The following LMNTD1 variants were observed in gnomAD, a reference collection of about 807,000 sequenced individuals.
The protein encoded by LMNTD1 is lamin tail domain containing 1.
A neutral mutation model predicts 50.9 loss-of-function variants in LMNTD1; 35 were observed. The observed-to-expected ratio is 0.69, with a 90% CI of 0.53 to 0.91. The LOEUF is 0.91. Ranked by LOEUF, LMNTD1 falls within the 40% of genes least tolerant of loss-of-function variation. LMNTD1 has a pLI of 0.00. For synonymous variants in LMNTD1, 153 were observed against 161.9 expected (o/e 0.94, Z 0.42); for missense variants, 470 against 475.5 (o/e 0.99, Z 0.11).
intron 1 of LMNTD1, among the ~76,000 whole-genome samples, chr12:25,607,070 T>C (rs1946125622): frequency 6.6e-6 from 1 of 152,210 alleles, no homozygotes; most frequent in Non-Finnish European, 1.5e-5. Flanking sequence ...GGAGGGTGTA[T>C]GTTTCCAGGA....
chr12:25,605,811 A>G (rs1169380287), intron 1 of LMNTD1, among the ~76,000 whole-genome samples: 2 of 151,250 alleles, frequency 1.3e-5, no homozygotes, highest in Non-Finnish European at 3.0e-5. Flanking sequence ...GCTTAGGCAA[A>G]TGTGGGCTCT....
chr12:25,623,948 G>A (rs564495035), intron 1 of LMNTD1, among the ~76,000 whole-genome samples: 43 of 152,284 alleles, frequency 2.8e-4, no homozygotes, highest in Middle Eastern at 6.8e-3. Context: ...GCAGAATTCA[G>A]CTTCCCTGGT....
At position 25,641,875 on chromosome 12, in the gene LMNTD1, T is replaced by C. The variant is rs963059459; in HGVS notation, c.58+6619A>G. ...TTTTTTCACTCTTGAATAATAAATA[T>C]ATCATTATTATTTGTACTATTACTT... On this transcript the variant is annotated intron_variant, in intron 1 of 7. Transcript: ENST00000445693. Among the ~76,000 whole-genome samples, 4 of 152,216 alleles carry C rather than the reference T, an allele frequency of 2.6e-5. No homozygotes were observed. The South Asian group carries it at 6.2e-4, about 24-fold the overall frequency.
At chr12:25,568,988 AG>A (rs1944671055) in intron 1 of LMNTD1, among the ~76,000 whole-genome samples, 1 of 152,232 alleles carries the variant, frequency 6.6e-6, no homozygotes, top group African/African-American at 2.4e-5. Flanking sequence ...CCTGACACAG[AG>A]TTCCAACTGA....
intron 1 of LMNTD1, among the ~76,000 whole-genome samples, chr12:25,594,991 A>T (rs908307743): frequency 6.6e-6 from 1 of 152,204 alleles, no homozygotes; most frequent in African/African-American, 2.4e-5. Flanking sequence ...AAATAGGGAC[A>T]TTATATAATG....
chr12:25,536,989 C>T (rs1942640207), intron 4 of LMNTD1, among the ~76,000 whole-genome samples: 1 of 152,248 alleles, frequency 6.6e-6, no homozygotes, highest in South Asian at 2.1e-4. Flanking sequence ...AAAATCGGGT[C>T]ACTCCCACCC....
chr12:25,508,517 AT>A (rs1248830018), intron 8 of LMNTD1, among the ~76,000 whole-genome samples: 1 of 152,198 alleles, frequency 6.6e-6, no homozygotes, highest in African/African-American at 2.4e-5. Context: ...TTATTTATCC[AT>A]TAAATAATTG....
In LMNTD1 at chr12:25,527,711, C is replaced by CATAT. The variant is rs1385527466; in HGVS notation, c.492-757_492-756insATAT. 7.7e-3 allele frequency among the ~76,000 whole-genome samples: 970 copies of CATAT among 125,306 alleles called. 37 individuals are homozygous for CATAT. Among genetic ancestry groups the CATAT allele is most frequent in the African/African-American group, 0.026 (874 of 33,832 alleles). 82.2% of individuals were successfully genotyped at this position (125,306 alleles called of 152,430 possible). A position where few individuals can be genotyped will look rare whatever the true frequency, so the allele number is the denominator to read the frequency against. ...ACACACACACACACACACACACACACACACACACATATACACACATATATA... is the reference window on the plus strand; with the variant it reads ...ACACACACACACACACACACACACACATATACACACACATATACACACATATATA... On this transcript the variant is annotated intron_variant, in intron 4 of 9. Coordinates refer to ENST00000458174, the MANE Select transcript of LMNTD1 (RefSeq NM_001145728.2).
intron 4 of LMNTD1, among the ~76,000 whole-genome samples, chr12:25,535,147 T>C (rs1244125913): frequency 6.6e-6 from 1 of 152,180 alleles, no homozygotes; most frequent in Non-Finnish European, 1.5e-5. Context: ...GTTCAAAATG[T>C]AGAGACATGA....
chr12:25,573,199 C>A (rs1489499113), intron 1 of LMNTD1, among the ~76,000 whole-genome samples: 1 of 152,086 alleles, frequency 6.6e-6, no homozygotes, highest in Non-Finnish European at 1.5e-5. Flanking sequence ...AACTTCACTC[C>A]TTTTCTTATC....
intron 1 of LMNTD1, among the ~76,000 whole-genome samples, chr12:25,561,922 G>C (rs1426985750): frequency 6.6e-6 from 1 of 152,024 alleles, no homozygotes; most frequent in Non-Finnish European, 1.5e-5. Context: ...ATCTTCGTTG[G>C]TTTAAAGTCT....
intron 9 of LMNTD1, among the ~76,000 whole-genome samples, chr12:25,500,937 G>A (rs1408518431): frequency 6.6e-6 from 1 of 152,024 alleles, no homozygotes; most frequent in Non-Finnish European, 1.5e-5. Flanking sequence ...GCACAGAAAT[G>A]TAATTAGTGG....
At chr12:25,621,499 TACC>T (rs1430900371) in intron 1 of LMNTD1, among the ~76,000 whole-genome samples, 1 of 152,244 alleles carries the variant, frequency 6.6e-6, no homozygotes, top group Non-Finnish European at 1.5e-5. Context: ...GTGCAATAAT[TACC>T]ACAATCAAAT....
chr12:25,493,174 C>G (rs1024087641), intron 9 of LMNTD1, among the ~76,000 whole-genome samples: 4 of 152,156 alleles, frequency 2.6e-5, no homozygotes, highest in Admixed American at 2.0e-4. Context: ...TCCCACTGGT[C>G]TATGACTTCT....
chr12:25,591,013 T>A (rs1470128509), intron 1 of LMNTD1, among the ~76,000 whole-genome samples: 1 of 152,084 alleles, frequency 6.6e-6, no homozygotes, highest in African/African-American at 2.4e-5. Context: ...GGCTACAGAG[T>A]GAGACTCCTT....
At chr12:25,480,491 C>T (rs1195450684) in intron 9 of LMNTD1, among the ~76,000 whole-genome samples, 1 of 152,170 alleles carries the variant, frequency 6.6e-6, no homozygotes, top group Non-Finnish European at 1.5e-5. Flanking sequence ...GCTCCTGATC[C>T]TATGCTGTAG....
chr12:25,631,751 C>T (rs1379400962), intron 1 of LMNTD1, among the ~76,000 whole-genome samples: 1 of 152,082 alleles, frequency 6.6e-6, no homozygotes, highest in African/African-American at 2.4e-5. Context: ...CTTTGACACC[C>T]CCCAAAAATC....
intron 1 of LMNTD1, among the ~76,000 whole-genome samples, chr12:25,605,767 C>T (rs550732492): frequency 3.3e-5 from 5 of 152,280 alleles, no homozygotes; most frequent in South Asian, 2.1e-4. Context: ...AGTTTGAAGT[C>T]AGGTAGTGTG....
chr12:25,602,272 T>C (rs1290076054), intron 1 of LMNTD1, among the ~76,000 whole-genome samples: 2 of 151,794 alleles, frequency 1.3e-5, no homozygotes, highest in African/African-American at 4.8e-5. Context: ...TTCTTTCTTT[T>C]CTTTCTTTAG....
Sources: allele counts gnomAD v4.1 joint callset (sites outside exome capture counted in the v4.1 genomes callset), GRCh38; gene constraint gnomAD v4.1.1; transcripts MANE v1.5; gene names NCBI Gene and HGNC (gene_info 2026-07-23, HGNC 2026-07-21).